The following CCDC17 variants were observed in gnomAD, a reference collection of about 807,000 sequenced individuals.
The protein encoded by CCDC17 is coiled-coil domain containing 17.
A neutral mutation model predicts 68.0 loss-of-function variants in CCDC17; 79 were observed. That is an observed-to-expected ratio of 1.16 (90% CI 0.97 to 1.40). The LOEUF is 1.40. Ranked by LOEUF, CCDC17 falls within the 40% of genes most tolerant of loss-of-function variation. The pLI is 0.00. For missense variants in CCDC17, 846 were observed against 811.5 expected (o/e 1.04, Z -0.52); for synonymous variants, 376 against 337.5 (o/e 1.11, Z -1.25).
At position 45,620,717 on chromosome 1, in the gene CCDC17, C is replaced by A; in HGVS notation, c.1710+6G>T. The A allele has an allele frequency of 6.3e-7, 1 of 1,591,734 alleles. No individual in the cohort carries two copies. The highest frequency in any genetic ancestry group is 1.8e-5 in the Admixed American group (1 of 55,960). On this transcript the variant is annotated splice_donor_region_variant and intron_variant, in intron 12 of 12. Coordinates refer to ENST00000528266, the MANE Select transcript of CCDC17 (RefSeq NM_001114938.3). ...GTGGTGTCCCTAGCTGCAGCTGGGCCCTCACCGGAGGTGGGTACTGGTACT... is the reference window on the plus strand; with the variant it reads ...GTGGTGTCCCTAGCTGCAGCTGGGCACTCACCGGAGGTGGGTACTGGTACT...
chr1:45,621,261 C>A lies in CCDC17; in HGVS notation c.1388+20G>T, dbSNP rs758716731. On this transcript the variant is annotated intron_variant, in intron 10 of 12. Transcript: ENST00000528266. ...CTCAACTGTGGCAGAGTACCAGAGT[C>A]ATGATCCCCACCTACTGACCTGGGC... The A allele has an allele frequency of 7.1e-5, 110 of 1,558,708 alleles. No homozygotes were observed. Among genetic ancestry groups the A allele is most frequent in the Admixed American group, 1.7e-4 (9 of 52,378 alleles).
Position 45,622,777 on chromosome 1 carries a change from G to A in CCDC17, c.714C>T (p.Asn238=), listed in dbSNP as rs138659279. 802 of 1,600,298 alleles carry A rather than the reference G, an allele frequency of 5.0e-4. 3 individuals carry two copies. The Middle Eastern group carries it at 9.4e-3, about 19-fold the overall frequency. Residue 238 remains asparagine, a synonymous_variant, in exon 5 of 13, where the codon AAC becomes AAT. Coordinates refer to ENST00000528266, the MANE Select transcript of CCDC17 (RefSeq NM_001114938.3). ...AELYSPVQKA[N]PGTLAAEIRA... ...GGATTTCGGCAGCCAGAGTTCCCGGGTTGGCCTTTTGCACTGGAGAATAAA... is the reference window on the plus strand; with the variant it reads ...GGATTTCGGCAGCCAGAGTTCCCGGATTGGCCTTTTGCACTGGAGAATAAA...
At chr1:45,622,381 A>G (rs1186895809) in intron 6 of CCDC17, 33 bp from the exon 7 acceptor site, 3 of 1,574,506 alleles carry the variant, frequency 1.9e-6, no homozygotes, top group Non-Finnish European at 2.6e-6. Flanking sequence ...GTCACCTTTG[A>G]CCTCTGGTGA....
rs766364006 is a variant in CCDC17 at position 45,620,772 on chromosome 1, A to G, written c.1661T>C (p.Leu554Pro). The G allele has an allele frequency of 4.3e-6, 7 of 1,611,420 alleles. No individual in the cohort carries two copies. The South Asian group carries it at 4.4e-5, about 10-fold the overall frequency. Reference protein sequence around the residue: ...VNARDAAVQTLAEINPASVHE... With the variant: ...VNARDAAVQTPAEINPASVHE... ...GACACTTGCTGGATTGATCTCTGCC[A>G]GTGTCTGTACAGCTGCATCTCTTGC... Residue 554 changes from leucine (L) to proline (P), a missense_variant, in exon 12 of 13, where the codon CTG becomes CCG. By Grantham distance (98) the Leu-to-Pro change is moderately conservative. Transcript: ENST00000528266.
rs1189037987 is a variant in CCDC17 at position 45,622,006 on chromosome 1, AAG to A, written c.968-13_968-12del. ...GCAGATCCTGGGGCCCTAGGAGCAG[AAG>A]AGTTAGGGTGCCCCTAAGTTGGACA... On this transcript the variant is annotated splice_polypyrimidine_tract_variant and intron_variant, in intron 7 of 12. Coordinates refer to ENST00000528266, the MANE Select transcript of CCDC17 (RefSeq NM_001114938.3). The A allele has an allele frequency of 4.4e-6, 7 of 1,594,962 alleles. No homozygotes were observed. The highest frequency in any genetic ancestry group is 6.0e-6 in the Non-Finnish European group (7 of 1,171,126).
intron 9 of CCDC17, 64 bp downstream of exon 9, chr1:45,621,573 TG>T (rs1644257494): frequency 1.3e-6 from 2 of 1,593,882 alleles, no homozygotes; most frequent in African/African-American, 2.7e-5. Flanking sequence ...CTGGTCCTAG[TG>T]GGCTCCCTTA....
In CCDC17 at chr1:45,624,046, T is replaced by G; in HGVS notation, c.-137A>C. ...CGTGTCTATTAGGTCTGTGAGATCTTCAAGTTTGTTTGGGGAGAGCCTTAG... is the reference window on the plus strand; with the variant it reads ...CGTGTCTATTAGGTCTGTGAGATCTGCAAGTTTGTTTGGGGAGAGCCTTAG... On this transcript the variant is annotated 5_prime_UTR_variant, in exon 1 of 13. Transcript: ENST00000528266. 1.5e-6 allele frequency: 1 copy of G among 648,708 alleles called. No homozygotes were observed. Among genetic ancestry groups the G allele is most frequent in the South Asian group, 2.5e-5 (1 of 40,470 alleles). 40.2% of individuals were successfully genotyped at this position (648,708 alleles called of 1,614,324 possible).
chr1:45,623,699 C>T, intron 1 of CCDC17, 37 bp downstream of exon 1: 3 of 1,551,452 alleles, frequency 1.9e-6, no homozygotes, highest in Non-Finnish European at 2.6e-6. Context: ...GGTCCTGGCT[C>T]CTTTGAATCC....
chr1:45,623,565 T>C lies in CCDC17; in HGVS notation c.262A>G (p.Thr88Ala). 6.5e-7 allele frequency: 1 copy of C among 1,549,460 alleles called. No homozygotes were observed. The highest frequency in any genetic ancestry group is 2.0e-5 in the Admixed American group (1 of 51,004). ...AAGGTAGGTAGCTCTACCTCCTCTG[T>C]TAACCTCTTTAGAGCAGATCTACTG... ...QASRSALKRLTEEVQWLRLSL... is the reference protein window; with the variant it reads ...QASRSALKRLAEEVQWLRLSL... The change falls in exon 2 of 13, where the codon ACA (threonine) becomes GCA (alanine). Residue 88 changes from threonine to alanine, a missense_variant. Transcript: ENST00000528266.
At position 45,623,002 on chromosome 1, in the gene CCDC17, A is replaced by T. The variant is rs149867868; in HGVS notation, c.609T>A (p.Ala203=). ...GAATGCGGGCCCCCAACACCTCTAGAGCTCCCCGCGTCCTCCCGGCCTCAG... is the reference window on the plus strand; with the variant it reads ...GAATGCGGGCCCCCAACACCTCTAGTGCTCCCCGCGTCCTCCCGGCCTCAG... ...LQAEAGRTRG[A]LEVLGARIQE... Residue 203 remains alanine, a synonymous_variant, in exon 4 of 13, where the codon GCT becomes GCA. Transcript: ENST00000528266. The T allele has an allele frequency of 7.4e-6, 12 of 1,611,742 alleles. No homozygotes were observed. In the African/African-American group the frequency reaches 1.5e-4, roughly 20 times the overall value.
In CCDC17 at chr1:45,623,002, A is replaced by G. The variant is rs149867868; in HGVS notation, c.609T>C (p.Ala203=). The part of the protein sequence containing the change: ...LQAEAGRTRG[A]LEVLGARIQE... ...GAATGCGGGCCCCCAACACCTCTAG[A>G]GCTCCCCGCGTCCTCCCGGCCTCAG... Residue 203 remains alanine, a synonymous_variant, in exon 4 of 13, where the codon GCT becomes GCC. Transcript: ENST00000528266. 8 of 1,611,742 alleles carry G rather than the reference A, an allele frequency of 5.0e-6. No individual in the cohort carries two copies. Among genetic ancestry groups the G allele is most frequent in the Non-Finnish European group, 6.8e-6 (8 of 1,178,968 alleles).
At chr1:45,620,499 T>G (rs542729037) in intron 12 of CCDC17, 66 bp from the exon 13 acceptor site, 59 of 1,472,298 alleles carry the variant, frequency 4.0e-5, no homozygotes, top group East Asian at 1.5e-4. Flanking sequence ...GTTTTGGAGT[T>G]AGTTAGGCTT....
chr1:45,621,692 G>T lies in CCDC17; in HGVS notation c.1130C>A (p.Ser377Ter), dbSNP rs1202354833. 3.7e-6 allele frequency: 6 copies of T among 1,613,930 alleles called. No individual in the cohort carries two copies. Among genetic ancestry groups the T allele is most frequent in the Non-Finnish European group, 5.1e-6 (6 of 1,179,864 alleles). ...GTCCGATGTGGGCAGGAGGAAGTGT[G>T]AGTCCAGGCCCAGGTTTCTGGTCAT... ...GTMTRNLGLD[S>*]HFLLPTSDML... Residue 377 changes from serine (S) to a stop codon, truncating the protein, a stop_gained, in exon 9 of 13, where the codon TCA becomes TAA. Coordinates refer to ENST00000528266, the MANE Select transcript of CCDC17 (RefSeq NM_001114938.3). LOFTEE classifies it high-confidence loss of function.
Position 45,623,961 on chromosome 1 carries a change from G to A in CCDC17, c.-52C>T. 7.7e-7 allele frequency: 1 copy of A among 1,303,398 alleles called. No homozygotes were observed. The highest frequency in any genetic ancestry group is 1.0e-6 in the Non-Finnish European group (1 of 961,656). 80.7% of individuals were successfully genotyped at this position (1,303,398 alleles called of 1,614,324 possible). ...GCCAAGACCTGCAGAAGGGATCAAG[G>A]GCAGGGGAAAGGCAGAGGAGGATGA... On this transcript the variant is annotated 5_prime_UTR_variant, in exon 1 of 13. Coordinates refer to ENST00000528266, the MANE Select transcript of CCDC17 (RefSeq NM_001114938.3).
rs749472935 is a variant in CCDC17, at chr1:45,620,398, G to A, written c.1746C>T (p.Leu582=). 1.4e-5 allele frequency: 22 copies of A among 1,594,610 alleles called. No homozygotes were observed. The highest frequency in any genetic ancestry group is 1.7e-5 in the Non-Finnish European group (20 of 1,173,400). Residue 582 remains leucine (L), a synonymous_variant, in exon 13 of 13, where the codon CTC becomes CTT. Transcript: ENST00000528266. ...GATCAGCAAAGCCAACTGCGGGGGT[G>A]AGGAAGCTGGCTTCCAGTGAAGATG... ...SSTSSLEASF[L]TPAVGFADPP...
chr1:45,621,943 C>T lies in CCDC17; in HGVS notation c.1020G>A (p.Arg340=), dbSNP rs769438865. 76 of 1,610,918 alleles carry T rather than the reference C, an allele frequency of 4.7e-5. No individual in the cohort carries two copies. The highest frequency in any genetic ancestry group is 5.9e-5 in the Non-Finnish European group (70 of 1,179,034). ...LGDASLQPKG[R]RDPPLLPPPV... ...GTGGCGGGAGGAGTGGGGGATCTCT[C>T]CTCCCCTTCGGTTGTAGGCTGGCAT... The change falls in exon 8 of 13, where the codon AGG becomes AGA. Residue 340 remains arginine, a synonymous_variant. Transcript: ENST00000528266.
intron 7 of CCDC17, 69 bp from the exon 8 acceptor site, chr1:45,622,064 C>T: frequency 1.4e-6 from 2 of 1,478,688 alleles, no homozygotes; most frequent in African/African-American, 1.4e-5. Context: ...TACCCCTCCC[C>T]CAAGAGTTGG....
rs370532127 is a variant in CCDC17, at chr1:45,621,255, CAG to C, written c.1388+24_1388+25del. 9.1e-5 allele frequency: 142 copies of C among 1,555,894 alleles called. 1 individual carries two copies. The African/African-American group carries it at 1.8e-3, about 20-fold the overall frequency. On this transcript the variant is annotated intron_variant, in intron 10 of 12. Coordinates refer to ENST00000528266, the MANE Select transcript of CCDC17 (RefSeq NM_001114938.3). Reference sequence around the variant, plus strand: ...ATAAGCCTCAACTGTGGCAGAGTACCAGAGTCATGATCCCCACCTACTGACCT... The same window carrying C: ...ATAAGCCTCAACTGTGGCAGAGTACCAGTCATGATCCCCACCTACTGACCT...
rs1010668711 is a variant in CCDC17 at position 45,622,347 on chromosome 1, T to G, written c.861A>C (p.Gly287=). ...LELQRSQTRR[G]RAGATSGELP... ...GCTCCCCTGAGGTGGCACCTGCCCT[T>G]CCTGCGATGAACAAGTGTGACCTGT... Residue 287 remains glycine (G), a splice_region_variant and synonymous_variant, in exon 7 of 13, where the codon GGA becomes GGC. Transcript: ENST00000528266. The G allele has an allele frequency of 6.2e-7, 1 of 1,603,870 alleles. No homozygotes were observed. Among genetic ancestry groups the G allele is most frequent in the Non-Finnish European group, 8.5e-7 (1 of 1,176,904 alleles).
Sources: gnomAD v4.1 joint callset for allele counts on GRCh38, gnomAD v4.1.1 for gene constraint, MANE v1.5 for transcripts, NCBI Gene and HGNC (gene_info 2026-07-23, HGNC 2026-07-21) for gene names.